C3orf49: variants seen among roughly 807,000 people sequenced by gnomAD.
C3orf49 encodes putative uncharacterized protein C3orf49.
C3orf49 carries 27 observed loss-of-function variants against 13.3 expected under a neutral mutation model. That is an observed-to-expected ratio of 2.02 (90% CI 1.49 to 2.79). The LOEUF (loss-of-function observed/expected upper bound fraction) is 2.79, where lower values mean the gene tolerates loss of function less well. Ranked by LOEUF, C3orf49 falls within the 30% of genes most tolerant of loss-of-function variation. The probability of loss-of-function intolerance (pLI) is 0.00; values close to 1 mark genes in which losing one functional copy is unlikely to be tolerated. For missense variants in C3orf49, 242 were observed against 134.2 expected, an observed-to-expected ratio of 1.80 and a Z score of -3.97; for synonymous variants, 87 against 47.6, an observed-to-expected ratio of 1.83 and a Z score of -3.40.
chr3:63,843,221 C>A (rs778800368), intron 5 of C3orf49, among the ~76,000 whole-genome samples: 1 of 152,092 alleles, frequency 6.6e-6, no homozygotes, highest in African/African-American at 2.4e-5. Flanking sequence ...TGGGTTCAAG[C>A]GATTCTCTTG....
Position 63,848,590 on chromosome 3 carries a change from T to C in C3orf49, c.*257T>C, listed in dbSNP as rs1416590167. On this transcript the variant is annotated 3_prime_UTR_variant, in exon 7 of 7. Transcript: ENST00000295896. Reference sequence around the variant, plus strand: ...GGCACATCTCAGGACCTCCTGATGCTGTGGCATGTCTTTAACCTTGGCAAA... The same window carrying C: ...GGCACATCTCAGGACCTCCTGATGCCGTGGCATGTCTTTAACCTTGGCAAA... 5 of 152,234 alleles carry C rather than the reference T, an allele frequency of 3.3e-5. No individual in the cohort carries two copies. Among genetic ancestry groups the C allele is most frequent in the African/African-American group, 1.2e-4 (5 of 41,450 alleles). 9.4% of individuals were successfully genotyped at this position (152,234 alleles called of 1,614,324 possible). A position where few individuals can be genotyped will look rare whatever the true frequency, so the allele number is the denominator to read the frequency against.
chr3:63,828,137 GA>G (rs1701489841), intron 3 of C3orf49, among the ~76,000 whole-genome samples: 1 of 152,210 alleles, frequency 6.6e-6, no homozygotes, highest in African/African-American at 2.4e-5. Flanking sequence ...TTGAGACTTT[GA>G]AATCTGGTCA....
intron 2 of C3orf49, chr3:63,827,351 G>A (rs989447799): frequency 1.2e-5 from 4 of 323,828 alleles, no homozygotes; most frequent in African/African-American, 8.4e-5. Context: ...CGAAGAGAGA[G>A]AGAGGTGGCT....
At chr3:63,818,892 C>T (rs763065013), upstream of C3orf49, among the ~76,000 whole-genome samples, 20 of 152,198 alleles carry the variant, frequency 1.3e-4, no homozygotes, top group Non-Finnish European at 2.9e-4. Flanking sequence ...CCTTGGGGTA[C>T]ATTTTGAGAT....
chr3:63,847,215 C>T (rs550795554), intron 6 of C3orf49, among the ~76,000 whole-genome samples: 37 of 152,138 alleles, frequency 2.4e-4, no homozygotes, highest in Non-Finnish European at 4.3e-4. Context: ...TCCTATAAAT[C>T]TGGTATGTAT....
chr3:63,795,339 G>C, the C3orf49 span, among the ~76,000 whole-genome samples: 1 of 152,128 alleles, frequency 6.6e-6, no homozygotes, highest in Non-Finnish European at 1.5e-5. Context: ...CCTTGCCCTT[G>C]AGCTGCTGCT....
chr3:63,832,206 AT>A (rs1001158829), intron 5 of C3orf49: 1 of 167,152 alleles, frequency 6.0e-6, no homozygotes, highest in African/African-American at 2.4e-5. Flanking sequence ...AAATAAAAAA[AT>A]AAATAAAAGT....
chr3:63,806,727 T>G, the C3orf49 span, among the ~76,000 whole-genome samples: 34 of 152,264 alleles, frequency 2.2e-4, no homozygotes, highest in African/African-American at 6.7e-4. Context: ...CTTCCTAACA[T>G]TCTACCCATT....
chr3:63,782,199 T>G, the C3orf49 span, among the ~76,000 whole-genome samples: 1 of 152,206 alleles, frequency 6.6e-6, no homozygotes, highest in African/African-American at 2.4e-5. Flanking sequence ...GCACTAACAC[T>G]TTATTCTATT....
chr3:63,845,583 G>C (rs142319494), intron 6 of C3orf49, among the ~76,000 whole-genome samples: 42 of 152,292 alleles, frequency 2.8e-4, no homozygotes, highest in Non-Finnish European at 5.4e-4. Context: ...ATGAACTCTG[G>C]CTTTTGGAAT....
At chr3:63,831,360 G>A in intron 4 of C3orf49, 137 bp downstream of exon 4, 2 of 612,808 alleles carry the variant, frequency 3.3e-6, no homozygotes, top group Non-Finnish European at 5.8e-6. Context: ...GTTAGCAGGG[G>A]GGCATTCTGA....
At chr3:63,825,450 G>A (rs779592420) in intron 2 of C3orf49, among the ~76,000 whole-genome samples, 20 of 152,304 alleles carry the variant, frequency 1.3e-4, no homozygotes, top group Admixed American at 2.6e-4. Flanking sequence ...GTATATTTCT[G>A]TTGAAAATAG....
At chr3:63,789,508 T>C in the C3orf49 span, among the ~76,000 whole-genome samples, 4 of 152,098 alleles carry the variant, frequency 2.6e-5, no homozygotes, top group Non-Finnish European at 5.9e-5. Context: ...CCTGAGCATT[T>C]TCAACAGAAG....
rs1307700714 is a variant in C3orf49, at chr3:63,838,491, T to G, written c.850-6532T>G. 12 of 1,585,372 alleles carry G rather than the reference T, an allele frequency of 7.6e-6. No homozygotes were observed. Among genetic ancestry groups the G allele is most frequent in the Admixed American group, 5.9e-5 (3 of 50,506 alleles). On this transcript the variant is annotated intron_variant, in intron 5 of 6. Transcript: ENST00000295896. ...CAGCGTGCTCAGCATACGTTGGTAC[T>G]GGCTATATCTAATGAAAAAGAAAGA...
At chr3:63,846,493 C>CGAGACAG (rs1701900256) in intron 6 of C3orf49, among the ~76,000 whole-genome samples, 1 of 152,098 alleles carries the variant, frequency 6.6e-6, no homozygotes, top group African/African-American at 2.4e-5. Context: ...CCACAACCTT[C>CGAGACAG]GTCTCCTGGG....
At chr3:63,811,575 CAAA>C in the C3orf49 span, among the ~76,000 whole-genome samples, 1 of 133,830 alleles carries the variant, frequency 7.5e-6, no homozygotes, top group African/African-American at 2.6e-5. Flanking sequence ...AAAAACAAAA[CAAA>C]AAAAAAAACA....
chr3:63,809,394 C>A, the C3orf49 span, among the ~76,000 whole-genome samples: 1 of 152,142 alleles, frequency 6.6e-6, no homozygotes. Flanking sequence ...TAATCTGTTG[C>A]AGCATGAAAA....
intron 3 of C3orf49, among the ~76,000 whole-genome samples, chr3:63,828,461 G>A (rs1442009841): frequency 6.6e-6 from 1 of 152,008 alleles, no homozygotes; most frequent in African/African-American, 2.4e-5. Flanking sequence ...AACCATGCTT[G>A]GTTAATTTTT....
chr3:63,788,723 C>T, the C3orf49 span, among the ~76,000 whole-genome samples: 8 of 147,134 alleles, frequency 5.4e-5, no homozygotes, highest in African/African-American at 2.0e-4. Flanking sequence ...AACCCTATTA[C>T]AATTTAAAAA....
Sources: gnomAD v4.1 joint callset for allele counts (sites outside exome capture counted in the v4.1 genomes callset) on GRCh38, gnomAD v4.1.1 for gene constraint, MANE v1.5 for transcripts, NCBI Gene and HGNC (gene_info 2026-07-23, HGNC 2026-07-21) for gene names.